Variants in SNTG2 observed in about 807,000 individuals in gnomAD.
The protein encoded by SNTG2 is gamma-2-syntrophin.
A neutral mutation model predicts 70.9 loss-of-function variants in SNTG2; 74 were observed. The observed-to-expected ratio is 1.04, with a 90% CI of 0.86 to 1.27. SNTG2 has a LOEUF of 1.27. SNTG2 is among the 50% of genes most tolerant of loss of function. The pLI is 0.00. For synonymous variants in SNTG2, 278 were observed against 273.8 expected, an observed-to-expected ratio of 1.02 and a Z score of -0.15; for missense variants, 717 against 690.7, an observed-to-expected ratio of 1.04 and a Z score of -0.43.
At chr2:1,242,593 C>T (rs1677121749) in intron 11 of SNTG2, 1 of 152,326 alleles carries the variant, frequency 6.6e-6, no homozygotes, top group East Asian at 1.9e-4. Context: ...AAATAGCAAG[C>T]AGCCCTATTT....
intron 10 of SNTG2, among the ~76,000 whole-genome samples, chr2:1,239,048 T>C (rs979867938): frequency 2.0e-5 from 3 of 152,334 alleles, no homozygotes; most frequent in Admixed American, 6.5e-5. Context: ...CTTCCTAACA[T>C]TGTAGTTTTC....
intron 7 of SNTG2, among the ~76,000 whole-genome samples, chr2:1,168,322 G>T (rs539204863): frequency 6.6e-6 from 1 of 152,146 alleles, no homozygotes; most frequent in East Asian, 1.9e-4. Context: ...CCTACAGGCC[G>T]CCCACAGACG....
chr2:1,133,859 T>TC (rs1375107203), intron 4 of SNTG2, among the ~76,000 whole-genome samples: 2 of 152,178 alleles, frequency 1.3e-5, no homozygotes, highest in African/African-American at 4.8e-5. Context: ...TGGTTTTGTG[T>TC]CCGGAATTGG....
chr2:1,030,211 T>C (rs1021122362), intron 1 of SNTG2, among the ~76,000 whole-genome samples: 2 of 152,226 alleles, frequency 1.3e-5, no homozygotes, highest in African/African-American at 4.8e-5. Flanking sequence ...CTGTATTTGA[T>C]GCTGAACTTC....
chr2:1,234,759 G>A (rs1458660583), intron 9 of SNTG2, among the ~76,000 whole-genome samples: 2 of 150,792 alleles, frequency 1.3e-5, no homozygotes, highest in Non-Finnish European at 2.9e-5. Flanking sequence ...ATCGATAAAG[G>A]GTCCTTCATG....
In SNTG2 at chr2:1,103,470, C is replaced by G. The variant is rs531102323; in HGVS notation, c.325+5060C>G. 5.9e-4 allele frequency: 131 copies of G among 220,760 alleles called. 3 individuals carry two copies. The South Asian group carries it at 6.8e-3, about 12-fold the overall frequency. 13.7% of individuals were successfully genotyped at this position (220,760 alleles called of 1,614,324 possible). On this transcript the variant is annotated intron_variant, in intron 4 of 16. Coordinates refer to ENST00000308624, the MANE Select transcript of SNTG2 (RefSeq NM_018968.4). ...GAGTTCTTGGTTCACTGCAACCAAC[C>G]TCCACCTCCCAGGTTCAAGTGATTC...
intron 9 of SNTG2, among the ~76,000 whole-genome samples, chr2:1,222,073 GTCTCTGTCTCTGTC>G (rs1675151095): frequency 2.2e-4 from 1 of 4,638 alleles, no homozygotes. Flanking sequence ...GTTTCTCTCT[GTCTCTGTCTCTGTC>G]TCTCTCTGTC....
At chr2:988,427 G>A (rs554354512) in intron 1 of SNTG2, among the ~76,000 whole-genome samples, 1 of 152,304 alleles carries the variant, frequency 6.6e-6, no homozygotes, top group Middle Eastern at 3.4e-3. Flanking sequence ...TTTACCACGT[G>A]GAGTTTTGAT....
At chr2:1,019,815 G>A (rs1339870276) in intron 1 of SNTG2, among the ~76,000 whole-genome samples, 2 of 152,098 alleles carry the variant, frequency 1.3e-5, no homozygotes, top group African/African-American at 2.4e-5. Flanking sequence ...TTGGGAGGCC[G>A]AGGCAGGTGG....
At chr2:1,323,758 A>G (rs1215993313) in intron 16 of SNTG2, among the ~76,000 whole-genome samples, 3 of 148,660 alleles carry the variant, frequency 2.0e-5, no homozygotes, top group African/African-American at 5.0e-5. Context: ...GGACATGGCT[A>G]ACAGTCACAT....
chr2:1,297,636 G>A (rs920298509), intron 14 of SNTG2, among the ~76,000 whole-genome samples: 2 of 152,140 alleles, frequency 1.3e-5, no homozygotes, highest in Non-Finnish European at 1.5e-5. Flanking sequence ...CCAGCCTGGC[G>A]CATCCGCAGT....
chr2:1,313,393 G>GC (rs141896419), intron 15 of SNTG2, among the ~76,000 whole-genome samples: 3,834 of 152,270 alleles, frequency 0.025, 159 homozygotes, highest in African/African-American at 0.088. Flanking sequence ...AGGATGTGGA[G>GC]CAAAAAAAAT....
chr2:1,356,999 A>G (rs10789523), intron 16 of SNTG2, among the ~76,000 whole-genome samples: 1 of 151,496 alleles, frequency 6.6e-6, no homozygotes, highest in Non-Finnish European at 1.5e-5. Flanking sequence ...ATGCAACTTT[A>G]TTGTGTGTAT....
At chr2:1,171,238 A>G (rs1039576092) in intron 7 of SNTG2, among the ~76,000 whole-genome samples, 57 of 152,326 alleles carry the variant, frequency 3.7e-4, no homozygotes, top group African/African-American at 1.3e-3. Context: ...ATACCTATTC[A>G]TCAGAAATAA....
chr2:1,234,258 G>A (rs1405183434), intron 9 of SNTG2, among the ~76,000 whole-genome samples: 5 of 152,130 alleles, frequency 3.3e-5, no homozygotes, highest in East Asian at 1.9e-4. Flanking sequence ...CTAGTTACCC[G>A]GCTTCTATAA....
chr2:957,491 ATGAT>A (rs1660205372), intron 1 of SNTG2, among the ~76,000 whole-genome samples: 1 of 152,144 alleles, frequency 6.6e-6, no homozygotes, highest in South Asian at 2.1e-4. Context: ...TTAGAGAAGA[ATGAT>A]TGAGTACCTA....
intron 4 of SNTG2, among the ~76,000 whole-genome samples, chr2:1,109,616 C>G (rs1036215998): frequency 6.6e-6 from 1 of 152,194 alleles, no homozygotes; most frequent in Non-Finnish European, 1.5e-5. Flanking sequence ...TACTTGTACA[C>G]TTAGATTTTT....
chr2:1,008,434 C>T (rs1436361816), intron 1 of SNTG2, among the ~76,000 whole-genome samples: 2 of 151,676 alleles, frequency 1.3e-5, no homozygotes, highest in Admixed American at 6.6e-5. Flanking sequence ...TTGAGATGCG[C>T]AAAAAAGGGA....
At chr2:995,243 A>G (rs1172976900) in intron 1 of SNTG2, among the ~76,000 whole-genome samples, 1 of 151,902 alleles carries the variant, frequency 6.6e-6, no homozygotes. Context: ...TCTGTTTTAT[A>G]CCTAGTTTGA....
Sources: allele counts gnomAD v4.1 joint callset (sites outside exome capture counted in the v4.1 genomes callset), GRCh38; gene constraint gnomAD v4.1.1; transcripts MANE v1.5; gene names NCBI Gene and HGNC (gene_info 2026-07-23, HGNC 2026-07-21).